Variants in UST observed in about 807,000 individuals in gnomAD.
UST encodes chondroitin sulfate 2-O-sulfotransferase.
A neutral mutation model predicts 45.6 loss-of-function variants in UST; 21 were observed. That is an observed-to-expected ratio of 0.46 (90% confidence interval 0.33 to 0.66). The LOEUF (loss-of-function observed/expected upper bound fraction) is 0.66, where lower values mean the gene tolerates loss of function less well. Ranked by LOEUF, UST falls within the 30% of genes least tolerant of loss-of-function variation. UST has a pLI of 0.02. For synonymous variants in UST, 215 were observed against 200.6 expected (o/e 1.07, Z -0.61); for missense variants, 463 against 512.4 (o/e 0.90, Z 0.93).
At chr6:148,826,935 C>T (rs1777579138) in intron 1 of UST, among the ~76,000 whole-genome samples, 1 of 152,162 alleles carries the variant, frequency 6.6e-6, no homozygotes, top group South Asian at 2.1e-4. Context: ...TGTTCTGCCT[C>T]TCTGTGATTA....
In UST at chr6:148,867,285, TACACACACACAC is replaced by T. The variant is rs58093813; in HGVS notation, c.248-19669_248-19658del. Among the ~76,000 whole-genome samples the T allele has an allele frequency of 3.9e-3, 537 of 136,842 alleles. 5 individuals carry two copies. The highest frequency in any genetic ancestry group is 0.014 in the African/African-American group (482 of 35,666). The allele number at this position is 136,842 out of a possible 152,430, so 89.8% of individuals were successfully genotyped here. On this transcript the variant is annotated intron_variant, in intron 1 of 7. Coordinates refer to ENST00000367463, the MANE Select transcript of UST (RefSeq NM_005715.3). ...TACCTTTCTTTGAGGCATTGTTGAA[TACACACACACAC>T]ACACACACACACACACACACACACA...
intron 5 of UST, chr6:149,005,402 G>A: frequency 1.0e-6 from 1 of 985,486 alleles, no homozygotes; most frequent in East Asian, 1.1e-4. Flanking sequence ...GGAAGTTCAA[G>A]GTGACCTCTG....
rs13196112 is a variant in UST at position 148,969,271 on chromosome 6, G to T, written c.681+4708G>T. On this transcript the variant is annotated intron_variant, in intron 5 of 7. Coordinates refer to ENST00000367463, the MANE Select transcript of UST (RefSeq NM_005715.3). Reference sequence around the variant, plus strand: ...TTCTTAAATAAATAAAATGAAGAAGGGCTTTGGATTGTCTGCTTTTTAAGT... The same window carrying T: ...TTCTTAAATAAATAAAATGAAGAAGTGCTTTGGATTGTCTGCTTTTTAAGT... 4.0e-3 allele frequency among the ~76,000 whole-genome samples: 613 copies of T among 152,260 alleles called. 4 individuals carry two copies. The highest frequency in any genetic ancestry group is 0.01 in the Middle Eastern group (3 of 294).
chr6:149,027,638 G>A (rs1776068391), intron 7 of UST: 1 of 152,146 alleles, frequency 6.6e-6, no homozygotes, highest in Admixed American at 6.6e-5. Context: ...AGGACAGGAT[G>A]AAATCCTAGC....
chr6:148,912,869 T>C (rs145242552), intron 2 of UST, among the ~76,000 whole-genome samples: 4 of 152,320 alleles, frequency 2.6e-5, no homozygotes, highest in Admixed American at 2.0e-4. Flanking sequence ...GTAGAGCAGA[T>C]ACAGGGTGCA....
intron 7 of UST, among the ~76,000 whole-genome samples, chr6:149,045,160 T>C (rs1776380132): frequency 7.6e-6 from 1 of 132,432 alleles, no homozygotes; most frequent in Admixed American, 7.0e-5. Flanking sequence ...AAAGTGTGGA[T>C]GTGTGGACAG....
Position 148,798,118 on chromosome 6 carries a change from C to T in UST, c.247+50441C>T, listed in dbSNP as rs113256603. 6.5e-3 allele frequency among the ~76,000 whole-genome samples: 992 copies of T among 152,188 alleles called. 12 individuals are homozygous for T. Among genetic ancestry groups the T allele is most frequent in the African/African-American group, 0.023 (966 of 41,506 alleles). On this transcript the variant is annotated intron_variant, in intron 1 of 7. Coordinates refer to ENST00000367463, the MANE Select transcript of UST (RefSeq NM_005715.3). Reference sequence around the variant, plus strand: ...GGGGGCAGATATACAAGTAATCCAGCCCAGAGAAGAAAAGAGCCTGCACCG... The same window carrying T: ...GGGGGCAGATATACAAGTAATCCAGTCCAGAGAAGAAAAGAGCCTGCACCG...
chr6:149,029,182 G>C (rs1172035660), intron 7 of UST, among the ~76,000 whole-genome samples: 1 of 151,844 alleles, frequency 6.6e-6, no homozygotes, highest in East Asian at 1.9e-4. Context: ...AAGTCCAATT[G>C]ATTGCAGTAG....
At chr6:148,960,238 G>A (rs185260593) in intron 4 of UST, among the ~76,000 whole-genome samples, 9 of 152,240 alleles carry the variant, frequency 5.9e-5, no homozygotes, top group Admixed American at 5.2e-4. Context: ...GCAGTAAGCC[G>A]AGATCACGCC....
chr6:148,917,745 G>T (rs576396397), intron 2 of UST, among the ~76,000 whole-genome samples: 29 of 152,286 alleles, frequency 1.9e-4, no homozygotes, highest in African/African-American at 6.3e-4. Flanking sequence ...ATCTCCCACA[G>T]GGGATGTGAC....
chr6:149,025,713 A>G (rs1776040058), intron 7 of UST, among the ~76,000 whole-genome samples: 1 of 152,184 alleles, frequency 6.6e-6, no homozygotes, highest in Non-Finnish European at 1.5e-5. Context: ...ATCACCTTTT[A>G]AAAATGAGAA....
chr6:148,845,327 T>C (rs1777967325), intron 1 of UST, among the ~76,000 whole-genome samples: 1 of 152,216 alleles, frequency 6.6e-6, no homozygotes, highest in South Asian at 2.1e-4. Flanking sequence ...TTCATAGAAA[T>C]TGAACTCTAG....
Position 148,747,285 on chromosome 6 carries a change from G to C in UST, c.-146G>C. On this transcript the variant is annotated 5_prime_UTR_variant, in exon 1 of 8. Coordinates refer to ENST00000367463, the MANE Select transcript of UST (RefSeq NM_005715.3). Reference sequence around the variant, plus strand: ...TGCCGAAGAAAGTCTCCTGAGCCCGGCAACTTCGGCCCCTCCCCGCCCCCA... The same window carrying C: ...TGCCGAAGAAAGTCTCCTGAGCCCGCCAACTTCGGCCCCTCCCCGCCCCCA... 1 of 980,408 alleles carries C rather than the reference G, an allele frequency of 1.0e-6. No homozygotes were observed. Among genetic ancestry groups the C allele is most frequent in the Non-Finnish European group, 1.3e-6 (1 of 744,300 alleles). 60.7% of individuals were successfully genotyped at this position (980,408 alleles called of 1,614,324 possible). A position where few individuals can be genotyped will look rare whatever the true frequency, so the allele number is the denominator to read the frequency against.
At chr6:148,877,010 G>C in intron 1 of UST, among the ~76,000 whole-genome samples, 1 of 59,304 alleles carries the variant, frequency 1.7e-5, no homozygotes, top group Non-Finnish European at 3.3e-5. Flanking sequence ...ATGAGTTGGG[G>C]GGGGTCATGT....
chr6:148,848,717 T>TC (rs1778045148), intron 1 of UST, among the ~76,000 whole-genome samples: 1 of 151,962 alleles, frequency 6.6e-6, no homozygotes, highest in South Asian at 2.1e-4. Flanking sequence ...TTTGAAAGTT[T>TC]TGAGAAACTT....
chr6:148,782,591 C>A (rs1776662377), intron 1 of UST, among the ~76,000 whole-genome samples: 1 of 152,090 alleles, frequency 6.6e-6, no homozygotes, highest in South Asian at 2.1e-4. Flanking sequence ...GCTGGGATTA[C>A]AGGCGCCTGC....
rs202195586 is a variant in UST at position 148,841,581 on chromosome 6, G to T, written c.248-45405G>T. Among the ~76,000 whole-genome samples the T allele has an allele frequency of 3.5e-3, 394 of 111,164 alleles. 2 individuals carry two copies. Among genetic ancestry groups the T allele is most frequent in the Non-Finnish European group, 5.7e-3 (306 of 53,530 alleles). The allele number at this position is 111,164 out of a possible 152,430, so 72.9% of individuals were successfully genotyped here. A position where few individuals can be genotyped will look rare whatever the true frequency, so the allele number is the denominator to read the frequency against. ...TAATTTGCCCAAGGGGGTCTGTTTT[G>T]TTTTTGTTTTTTTTTTCTGTCATGT... On this transcript the variant is annotated intron_variant, in intron 1 of 7. Transcript: ENST00000367463.
chr6:148,782,356 A>G (rs1325752642), intron 1 of UST, among the ~76,000 whole-genome samples: 2 of 152,220 alleles, frequency 1.3e-5, no homozygotes, highest in Admixed American at 6.5e-5. Context: ...TGTGGTGGAA[A>G]TAGCGAGAGA....
chr6:148,852,402 C>G (rs144212137), intron 1 of UST, among the ~76,000 whole-genome samples: 1 of 152,154 alleles, frequency 6.6e-6, no homozygotes, highest in Non-Finnish European at 1.5e-5. Context: ...TGTGTTTAAA[C>G]GATTATAGTT....
Sources: allele counts gnomAD v4.1 joint callset (sites outside exome capture counted in the v4.1 genomes callset), GRCh38; gene constraint gnomAD v4.1.1; transcripts MANE v1.5; gene names NCBI Gene and HGNC (gene_info 2026-07-23, HGNC 2026-07-21).